The following SEZ6 variants were observed in gnomAD, a reference collection of about 807,000 sequenced individuals.
SEZ6 encodes seizure protein 6 homolog.
In SEZ6, 53 loss-of-function variants were observed where a neutral mutation model predicts 101.0. That is an observed-to-expected ratio of 0.52 (90% CI 0.42 to 0.66). The LOEUF (loss-of-function observed/expected upper bound fraction) is 0.66, where lower values mean the gene tolerates loss of function less well. Among genes scored for constraint, SEZ6 ranks in the 30% least tolerant of loss-of-function variants. The pLI, the probability that SEZ6 is intolerant of heterozygous loss-of-function variation, is 0.00. For synonymous variants in SEZ6, 488 were observed against 512.2 expected (o/e 0.95, Z 0.64); for missense variants, 1,102 against 1,289.4 (o/e 0.85, Z 2.23).
intron 4 of SEZ6, 62 bp downstream of exon 4, chr17:28,969,695 C>G (rs940946210): frequency 4.7e-5 from 65 of 1,371,454 alleles, no homozygotes; most frequent in Non-Finnish European, 5.8e-5. Context: ...CAGAGACCCC[C>G]CTCCCCAGCA....
At chr17:28,961,004 G>A (rs1056814121) in intron 5 of SEZ6, 31 bp from the exon 6 acceptor site, 1 of 1,590,704 alleles carries the variant, frequency 6.3e-7, no homozygotes, top group African/African-American at 1.3e-5. Flanking sequence ...CGTAGGCTAG[G>A]CCCCTGCCTG....
At chr17:28,990,283 C>CT (rs1476470655) in intron 1 of SEZ6, among the ~76,000 whole-genome samples, 2 of 152,214 alleles carry the variant, frequency 1.3e-5, no homozygotes, top group African/African-American at 2.4e-5. Flanking sequence ...TTTTGCATTT[C>CT]TTTTTTTCTT....
In SEZ6 at chr17:28,981,517, C is replaced by T; in HGVS notation, c.578G>A (p.Arg193Lys). The T allele has an allele frequency of 6.2e-7, 1 of 1,611,172 alleles. No individual in the cohort carries two copies. Among genetic ancestry groups the T allele is most frequent in the Non-Finnish European group, 8.5e-7 (1 of 1,178,652 alleles). Residue 193 changes from arginine (R) to lysine (K), a missense_variant, in exon 2 of 17, where the codon AGG (arginine) becomes AAG (lysine). By Grantham distance (26) the Arg-to-Lys change is conservative. Coordinates refer to ENST00000317338, the MANE Select transcript of SEZ6 (RefSeq NM_178860.5). ...PTQEGPGDMG[R>K]PWVAEVVSQG... Reference sequence around the variant, plus strand: ...GGACACAACCTCTGCAACCCACGGCCTTCCCATGTCTCCAGGACCCTCTTG... The same window carrying T: ...GGACACAACCTCTGCAACCCACGGCTTTCCCATGTCTCCAGGACCCTCTTG...
chr17:29,002,375 T>A (rs1183974757), intron 1 of SEZ6, among the ~76,000 whole-genome samples: 1 of 152,152 alleles, frequency 6.6e-6, no homozygotes, highest in Non-Finnish European at 1.5e-5. Flanking sequence ...GCCCAGCCCT[T>A]GTGTCTCCTT....
intron 1 of SEZ6, among the ~76,000 whole-genome samples, chr17:28,986,600 G>A (rs946522427): frequency 5.9e-5 from 9 of 152,128 alleles, no homozygotes; most frequent in Non-Finnish European, 1.3e-4. Flanking sequence ...GAGTCATTAC[G>A]CAGTGCCCCA....
chr17:28,980,506 A>G (rs942972762), intron 2 of SEZ6, among the ~76,000 whole-genome samples: 1 of 151,536 alleles, frequency 6.6e-6, no homozygotes, highest in African/African-American at 2.4e-5. Flanking sequence ...AGTAGCTGGG[A>G]CTACGGGCAC....
rs1164497278 is a variant in SEZ6, at chr17:28,957,093, GCA to G, written c.2642_2643del (p.Val881AlafsTer9). The G allele has an allele frequency of 1.9e-6, 3 of 1,611,370 alleles. No individual in the cohort carries two copies. The highest frequency in any genetic ancestry group is 8.5e-7 in the Non-Finnish European group (1 of 1,177,942). The part of the protein sequence containing the change: ...VLKGQASIKC[V>X]PGHPSHWSDP... ...TCACTCCAATGCGAGGGGTGCCCAG[GCA>G]CACACTTGATGCTGGCCTGGCCCTT... is the stretch of plus-strand genomic sequence containing the variant. On this transcript the variant is annotated frameshift_variant, in exon 13 of 17. Coordinates refer to ENST00000317338, the MANE Select transcript of SEZ6 (RefSeq NM_178860.5). LOFTEE classifies it high-confidence loss of function.
Position 28,959,081 on chromosome 17 carries a change from G to C in SEZ6, c.2051C>G (p.Ser684Trp). 6.2e-7 allele frequency: 1 copy of C among 1,613,990 alleles called. No individual in the cohort carries two copies. Among genetic ancestry groups the C allele is most frequent in the Non-Finnish European group, 8.5e-7 (1 of 1,179,880 alleles). Residue 684 changes from serine (S) to tryptophan (W), a missense_variant, in exon 10 of 17, where the codon TCG (serine) becomes TGG (tryptophan). Transcript: ENST00000317338. This position sits in a 1 kb window ranked among gnomAD's most constrained non-coding sequence, Gnocchi z 4.4. ...SMADVTIQFQ[S>W]DPGTSVLGYQ... ...GCCCAGCACTGAGGTCCCGGGGTCC[G>C]ACTGGAACTGAATGGTGACATCAGC...
At chr17:28,969,996 T>C in intron 3 of SEZ6, 44 bp from the exon 4 acceptor site, 1 of 1,492,090 alleles carries the variant, frequency 6.7e-7, no homozygotes, top group Non-Finnish European at 8.8e-7. Context: ...GTCAGACTTC[T>C]TCCTGCTGCC....
rs187415798 is a variant in SEZ6, at chr17:29,003,070, G to C, written c.55+2745C>G. The stretch of plus-strand genomic sequence containing the variant: ...ACCCAACCTTACCCCAGTCTCAGCG[G>C]CTTCCACCTTCATAATCTCCCTAGG... On this transcript the variant is annotated intron_variant, in intron 1 of 16. Coordinates refer to ENST00000317338, the MANE Select transcript of SEZ6 (RefSeq NM_178860.5). Among the ~76,000 whole-genome samples, 515 of 152,286 alleles carry C rather than the reference G, an allele frequency of 3.4e-3. 2 individuals are homozygous for C. The highest frequency in any genetic ancestry group is 0.012 in the African/African-American group (482 of 41,556).
In SEZ6 at chr17:29,003,346, G is replaced by C. The variant is rs571800857; in HGVS notation, c.55+2469C>G. Among the ~76,000 whole-genome samples, 173 of 152,336 alleles carry C rather than the reference G, an allele frequency of 1.1e-3. 2 individuals are homozygous for C. The highest frequency in any genetic ancestry group is 4.0e-3 in the African/African-American group (167 of 41,574). ...ATCAAGACTTGGAGGCTGCAGAAGGGAATAGGGGACTGAGCCTGTGAGCTT... is the reference window on the plus strand; with the variant it reads ...ATCAAGACTTGGAGGCTGCAGAAGGCAATAGGGGACTGAGCCTGTGAGCTT... On this transcript the variant is annotated intron_variant, in intron 1 of 16. Coordinates refer to ENST00000317338, the MANE Select transcript of SEZ6 (RefSeq NM_178860.5).
intron 1 of SEZ6, among the ~76,000 whole-genome samples, chr17:28,994,870 A>ACTTTT (rs779841222): frequency 2.7e-5 from 4 of 149,402 alleles, no homozygotes; most frequent in African/African-American, 4.9e-5. Flanking sequence ...TTGACTTGCC[A>ACTTTT]CTTTTCTTTT....
At chr17:28,999,526 T>C (rs1010713498) in intron 1 of SEZ6, among the ~76,000 whole-genome samples, 2 of 152,112 alleles carry the variant, frequency 1.3e-5, no homozygotes, top group Admixed American at 6.5e-5. Context: ...TTGTGGATTG[T>C]TGTTGGAGAA....
chr17:28,963,808 A>C, intron 5 of SEZ6, 154 bp downstream of exon 5: 1 of 795,872 alleles, frequency 1.3e-6, no homozygotes, highest in Non-Finnish European at 2.0e-6. Flanking sequence ...GATGCTCAAT[A>C]AGTGCAGGTT....
At chr17:28,969,189 G>A (rs905794633) in intron 4 of SEZ6, among the ~76,000 whole-genome samples, 1 of 152,132 alleles carries the variant, frequency 6.6e-6, no homozygotes, top group African/African-American at 2.4e-5. Context: ...ACATCGTGCT[G>A]CTCCCTTATT....
chr17:29,000,685 C>A (rs2041604174), intron 1 of SEZ6, among the ~76,000 whole-genome samples: 1 of 152,188 alleles, frequency 6.6e-6, no homozygotes, highest in Non-Finnish European at 1.5e-5. Flanking sequence ...GTGAGAGTGT[C>A]TGAAGCTGGG....
chr17:28,958,928 C>T (rs1598178141), intron 10 of SEZ6, 97 bp downstream of exon 10: 1 of 1,348,768 alleles, frequency 7.4e-7, no homozygotes. Context: ...CCAGCTTACT[C>T]TTGTCTGAGA....
intron 2 of SEZ6, 97 bp downstream of exon 2, chr17:28,981,274 G>T (rs1229927310): frequency 3.4e-6 from 5 of 1,455,720 alleles, no homozygotes; most frequent in Non-Finnish European, 4.5e-6. Context: ...GTGCCAAAGG[G>T]CAGGGCAGGC....
At chr17:28,977,133 G>T (rs1308063724) in intron 3 of SEZ6, among the ~76,000 whole-genome samples, 1 of 152,214 alleles carries the variant, frequency 6.6e-6, no homozygotes, top group Non-Finnish European at 1.5e-5. Context: ...CCCTTTTCTT[G>T]CCTGGGCCTC....
Sources: gnomAD v4.1 joint callset for allele counts (sites outside exome capture counted in the v4.1 genomes callset) on GRCh38, gnomAD v4.1.1 for gene constraint, Gnocchi (gnomAD v3.1) non-coding constraint, MANE v1.5 for transcripts, NCBI Gene and HGNC (gene_info 2026-07-23, HGNC 2026-07-21) for gene names.